The following ALG1L2 variants were observed in gnomAD, a reference collection of about 807,000 sequenced individuals.
ALG1L2 encodes ALG1 chitobiosyldiphosphodolichol beta-mannosyltransferase like 2, also known as putative glycosyltransferase ALG1L2.
ALG1L2 carries 32 observed loss-of-function variants against 29.0 expected under a neutral mutation model. The ratio of observed to expected loss-of-function variants is 1.10; its 90% CI spans 0.83 to 1.48. ALG1L2 has a LOEUF of 1.48. Ranked by LOEUF, ALG1L2 falls within the 40% of genes most tolerant of loss-of-function variation. The probability of loss-of-function intolerance (pLI) is 0.00; values close to 1 mark genes in which losing one functional copy is unlikely to be tolerated. For missense variants in ALG1L2, 318 were observed against 274.1 expected (o/e 1.16, Z -1.13); for synonymous variants, 110 against 109.5 (o/e 1.00, Z -0.03).
intron 1 of ALG1L2, among the ~76,000 whole-genome samples, chr3:130,088,039 T>G (rs1411056561): frequency 6.6e-6 from 1 of 152,308 alleles, no homozygotes; most frequent in Non-Finnish European, 1.5e-5. Flanking sequence ...TGAGCCCCCA[T>G]GTCTGCTTGT....
intron 1 of ALG1L2, among the ~76,000 whole-genome samples, chr3:130,086,414 C>T (rs1163035437): frequency 6.7e-6 from 1 of 148,878 alleles, no homozygotes; most frequent in African/African-American, 2.4e-5. Context: ...TGCCTGTCAT[C>T]TCAACACTTT....
intron 1 of ALG1L2, among the ~76,000 whole-genome samples, chr3:130,084,554 G>A (rs1337309473): frequency 1.5e-5 from 2 of 131,480 alleles, no homozygotes; most frequent in African/African-American, 5.1e-5. Flanking sequence ...AGCACTTATG[G>A]GCGGGGCGGT....
chr3:130,084,273 C>T (rs1267386255), intron 1 of ALG1L2, among the ~76,000 whole-genome samples: 2 of 147,036 alleles, frequency 1.4e-5, no homozygotes. Context: ...GTCTGCACAA[C>T]ATAGCGAGAC....
At chr3:130,084,287 AT>A (rs796529032) in intron 1 of ALG1L2, among the ~76,000 whole-genome samples, 12,214 of 122,558 alleles carry the variant, frequency 0.1, 214 homozygotes, top group East Asian at 0.18. Context: ...GCGAGACCCC[AT>A]TTCCCCCCCT....
In ALG1L2 at chr3:130,097,179, C is replaced by T. The variant is rs187550710; in HGVS notation, c.544C>T (p.His182Tyr). 56 of 1,611,970 alleles carry T rather than the reference C, an allele frequency of 3.5e-5. No homozygotes were observed. The East Asian group carries it at 1.2e-3, about 36-fold the overall frequency. Residue 182 changes from histidine to tyrosine, a missense_variant, in exon 7 of 8, where the codon CAT becomes TAT. His to Tyr is a moderately conservative substitution (Grantham distance 83, BLOSUM62 2). Coordinates refer to ENST00000425059, the MANE Select transcript of ALG1L2 (RefSeq NM_001136152.1). ...PACAVNFKCL[H>Y]ELVKHEENRL... is the part of the protein sequence containing the mutation. ...CTCCTTTTGTTCTCTCTGCAGTTTA[C>T]ATGAGCTGGTGAAACATGAAGAAAA...
intron 5 of ALG1L2, 144 bp downstream of exon 5, chr3:130,094,657 A>T: frequency 4.0e-6 from 4 of 1,002,576 alleles, no homozygotes; most frequent in Non-Finnish European, 5.7e-6. Flanking sequence ...TCCCGGGAGA[A>T]GGCTACTTCC....
intron 1 of ALG1L2, among the ~76,000 whole-genome samples, chr3:130,083,708 A>T: frequency 7.1e-6 from 1 of 141,316 alleles, no homozygotes; most frequent in Non-Finnish European, 1.6e-5. Flanking sequence ...GCATCATGAT[A>T]AATTGAGACA....
At chr3:130,083,617 A>G (rs1934831160) in intron 1 of ALG1L2, among the ~76,000 whole-genome samples, 1 of 133,742 alleles carries the variant, frequency 7.5e-6, no homozygotes, top group Non-Finnish European at 1.7e-5. Context: ...CACAATGTAA[A>G]GAGGAACAGT....
At chr3:130,085,714 G>A (rs1200051939) in intron 1 of ALG1L2, among the ~76,000 whole-genome samples, 2 of 151,646 alleles carry the variant, frequency 1.3e-5, no homozygotes, top group Non-Finnish European at 3.0e-5. Flanking sequence ...ACCCACAACA[G>A]TGCCCTGCTC....
At chr3:130,089,031 C>G (rs1934952987) in intron 1 of ALG1L2, among the ~76,000 whole-genome samples, 1 of 152,282 alleles carries the variant, frequency 6.6e-6, no homozygotes, top group South Asian at 2.1e-4. Context: ...ATGAGTAGGG[C>G]TAGCCAACTT....
rs75178340 is a variant in ALG1L2, at chr3:130,095,329, C to T, written c.425-720C>T. The stretch of plus-strand genomic sequence containing the variant: ...TCCAGGTGTGACCCATCATGCCTGG[C>T]CCCAGCTAATCTTTAGAAATGTTTA... On this transcript the variant is annotated intron_variant, in intron 5 of 7. Transcript: ENST00000425059. Among the ~76,000 whole-genome samples, 1,118 of 151,886 alleles carry T rather than the reference C, an allele frequency of 7.4e-3. 19 individuals carry two copies. The highest frequency in any genetic ancestry group is 0.026 in the African/African-American group (1,068 of 41,396).
At chr3:130,091,440 C>A in intron 2 of ALG1L2, 69 bp downstream of exon 2, 2 of 1,481,752 alleles carry the variant, frequency 1.3e-6, no homozygotes, top group Non-Finnish European at 1.8e-6. Flanking sequence ...CTTCTCACTG[C>A]AGACCTGGGA....
At chr3:130,086,658 C>T (rs1317280418) in intron 1 of ALG1L2, among the ~76,000 whole-genome samples, 1 of 142,888 alleles carries the variant, frequency 7.0e-6, no homozygotes, top group Admixed American at 7.2e-5. Context: ...GCCTGGTCCA[C>T]AGAGCAAGGC....
rs573029467 is a variant in ALG1L2 at position 130,098,079 on chromosome 3, C to T, written c.616-144C>T. On this transcript the variant is annotated intron_variant, in intron 7 of 7. Coordinates refer to ENST00000425059, the MANE Select transcript of ALG1L2 (RefSeq NM_001136152.1). ...AGCATGTCAAGATGGAGGCGGAGCG[C>T]TGCTGGGGTGTGAAGGGTCTCAAGT... is the stretch of plus-strand genomic sequence containing the variant. 137 of 1,126,058 alleles carry T rather than the reference C, an allele frequency of 1.2e-4. 1 individual carries two copies. In the South Asian group the frequency reaches 1.9e-3, roughly 15 times the overall value. The allele number at this position is 1,126,058 out of a possible 1,614,324, so 69.8% of individuals were successfully genotyped here. A position where few individuals can be genotyped will look rare whatever the true frequency, so the allele number is the denominator to read the frequency against.
intron 3 of ALG1L2, 40 bp downstream of exon 3, chr3:130,092,262 G>A: frequency 6.3e-7 from 1 of 1,596,052 alleles, no homozygotes; most frequent in Non-Finnish European, 8.5e-7. Context: ...TGGTGTGAAG[G>A]GCACCTGGCC....
chr3:130,086,890 G>A (rs1934900656), intron 1 of ALG1L2, among the ~76,000 whole-genome samples: 1 of 151,566 alleles, frequency 6.6e-6, no homozygotes, highest in African/African-American at 2.4e-5. Context: ...CTTCTAGATA[G>A]AATGTTCTCC....
chr3:130,088,474 G>T (rs1396892420), intron 1 of ALG1L2, among the ~76,000 whole-genome samples: 2 of 152,304 alleles, frequency 1.3e-5, no homozygotes, highest in Non-Finnish European at 2.9e-5. Context: ...CTGGAGTGCA[G>T]TGGCTTGATC....
At chr3:130,092,664 G>A (rs565457394) in intron 3 of ALG1L2, among the ~76,000 whole-genome samples, 3 of 152,322 alleles carry the variant, frequency 2.0e-5, no homozygotes, top group African/African-American at 7.2e-5. Context: ...ATCTCACAGA[G>A]GCTGGTGGCC....
chr3:130,095,924 T>C (rs1195456039), intron 5 of ALG1L2, 125 bp from the exon 6 acceptor site: 2 of 982,178 alleles, frequency 2.0e-6, no homozygotes, highest in East Asian at 5.3e-5. Context: ...CCACTTGTGG[T>C]TGGGGATGTC....
Sources: allele counts gnomAD v4.1 joint callset (sites outside exome capture counted in the v4.1 genomes callset), GRCh38; gene constraint gnomAD v4.1.1; transcripts MANE v1.5; gene names NCBI Gene and HGNC (gene_info 2026-07-23, HGNC 2026-07-21).